Variants in NRCAM observed in about 807,000 individuals in gnomAD.
NRCAM encodes neuronal cell adhesion molecule.
NRCAM carries 83 observed loss-of-function variants against 156.5 expected under a neutral mutation model. The ratio of observed to expected loss-of-function variants is 0.53; its 90% CI spans 0.44 to 0.64. NRCAM has a LOEUF of 0.64. NRCAM is among the 30% of genes least tolerant of loss of function. The pLI is 0.00. For synonymous variants in NRCAM, 538 were observed against 563.9 expected (o/e 0.95, Z 0.65); for missense variants, 1,417 against 1,597.3 (o/e 0.89, Z 1.92).
chr7:108,366,524 G>A (rs988232900), intron 2 of NRCAM, among the ~76,000 whole-genome samples: 5 of 152,188 alleles, frequency 3.3e-5, no homozygotes, highest in Admixed American at 1.3e-4. Flanking sequence ...GAATTTAAAT[G>A]TTAGTTCTGC....
Position 108,380,813 on chromosome 7 carries a change from T to TTC in NRCAM, c.-174+18621_-174+18622dup, listed in dbSNP as rs529991746. On this transcript the variant is annotated intron_variant, in intron 2 of 32. Coordinates refer to ENST00000379028, the MANE Select transcript of NRCAM (RefSeq NM_001037132.4). Reference sequence around the variant, plus strand: ...AAAGTTCCAGGCTAGCAAATAGTAGTTCTAAGACCAGAATCTAGGCCACCT... The same window carrying TTC: ...AAAGTTCCAGGCTAGCAAATAGTAGTTCTCTAAGACCAGAATCTAGGCCACCT... Among the ~76,000 whole-genome samples, 278 of 152,254 alleles carry TTC rather than the reference T, an allele frequency of 1.8e-3. 3 individuals carry two copies. The highest frequency in any genetic ancestry group is 7.5e-3 in the East Asian group (39 of 5,178).
At chr7:108,431,106 T>C (rs1247804011) in intron 1 of NRCAM, among the ~76,000 whole-genome samples, 2 of 152,224 alleles carry the variant, frequency 1.3e-5, no homozygotes, top group African/African-American at 4.8e-5. Flanking sequence ...TCTGACTTAT[T>C]ACCTCATTTT....
At chr7:108,225,825 C>T (rs2093350282) in intron 9 of NRCAM, 124 bp from the exon 10 acceptor site, 1 of 740,878 alleles carries the variant, frequency 1.3e-6, no homozygotes, top group Admixed American at 1.8e-5. Context: ...CAAGTAAAAA[C>T]AGTGCTTTAC....
chr7:108,171,758 G>T (rs2058515990), intron 28 of NRCAM, among the ~76,000 whole-genome samples: 1 of 152,132 alleles, frequency 6.6e-6, no homozygotes, highest in Admixed American at 6.5e-5. Flanking sequence ...GCCAGGGTTT[G>T]TCTTACTGTC....
chr7:108,398,559 T>C (rs936723522), intron 2 of NRCAM, among the ~76,000 whole-genome samples: 5 of 152,168 alleles, frequency 3.3e-5, no homozygotes, highest in Non-Finnish European at 5.9e-5. Flanking sequence ...AACTTCTTAC[T>C]TTCTCACATG....
intron 3 of NRCAM, among the ~76,000 whole-genome samples, chr7:108,285,971 A>T (rs1563110109): frequency 6.6e-6 from 1 of 152,240 alleles, no homozygotes; most frequent in Non-Finnish European, 1.5e-5. Context: ...AGTAGTCAGC[A>T]AACAGTTTCT....
At chr7:108,384,968 AAAG>A (rs2099735346) in intron 2 of NRCAM, among the ~76,000 whole-genome samples, 1 of 152,220 alleles carries the variant, frequency 6.6e-6, no homozygotes, top group South Asian at 2.1e-4. Flanking sequence ...TGTGAAGAAC[AAAG>A]AATAGCAGTA....
chr7:108,217,042 CTTTGT>C (rs1775711333), intron 11 of NRCAM, among the ~76,000 whole-genome samples: 1 of 152,054 alleles, frequency 6.6e-6, no homozygotes, highest in Non-Finnish European at 1.5e-5. Context: ...TTTTCCTCAT[CTTTGT>C]GGATTTATCT....
chr7:108,430,325 C>A (rs116597830), intron 1 of NRCAM, among the ~76,000 whole-genome samples: 1,591 of 152,206 alleles, frequency 0.01, 17 homozygotes, highest in African/African-American at 0.037. Context: ...GAGGCTCTCA[C>A]AATATCCAGG....
rs147330397 is a variant in NRCAM at position 108,209,491 on chromosome 7, A to G, written c.1005T>C (p.Ser335=). Residue 335 remains serine, a synonymous_variant, in exon 12 of 33, where the codon TCT becomes TCC. Transcript: ENST00000379028. ...TTTTTGCTATACATTGGTAATTTCC[A>G]GAGTCTGCTTCTGAAACATGAATGA... ...LQIIHVSEAD[S]GNYQCIAKNA... The G allele has an allele frequency of 1.1e-4, 175 of 1,612,072 alleles. 1 individual carries two copies. The Middle Eastern group carries it at 1.8e-3, about 17-fold the overall frequency.
intron 3 of NRCAM, among the ~76,000 whole-genome samples, chr7:108,247,193 CTG>C: frequency 6.6e-6 from 1 of 152,298 alleles, no homozygotes; most frequent in East Asian, 1.9e-4. Context: ...AAATAATAAA[CTG>C]TTGTTGTTTG....
At chr7:108,312,569 TA>T (rs1563217807) in intron 3 of NRCAM, 95 bp downstream of exon 3, 2 of 152,236 alleles carry the variant, frequency 1.3e-5, no homozygotes, top group Admixed American at 6.5e-5. Flanking sequence ...TGAAAAGTAT[TA>T]AATATGGCAA....
chr7:108,241,161 ATAGG>A (rs1486381187), intron 3 of NRCAM, among the ~76,000 whole-genome samples: 2 of 152,180 alleles, frequency 1.3e-5, no homozygotes, highest in Non-Finnish European at 2.9e-5. Context: ...CATCACATAC[ATAGG>A]TAGATATATA....
At chr7:108,419,542 G>A (rs1261262110) in intron 1 of NRCAM, among the ~76,000 whole-genome samples, 1 of 18,976 alleles carries the variant, frequency 5.3e-5, no homozygotes, top group Non-Finnish European at 9.8e-5. Context: ...TCATGAGTTT[G>A]GCAGTATATA....
At position 108,392,324 on chromosome 7, in the gene NRCAM, A is replaced by G. The variant is rs985726272; in HGVS notation, c.-174+7112T>C. 1.3e-5 allele frequency among the ~76,000 whole-genome samples: 2 copies of G among 152,092 alleles called. 1 individual carries two copies. Among genetic ancestry groups the G allele is most frequent in the Middle Eastern group, 6.8e-3 (2 of 294 alleles). ...CTTCTCACTTCATTTCATTCATTTG[A>G]TCTTCAATCACTGATACCCTTTCTT... is the stretch of plus-strand genomic sequence containing the variant. On this transcript the variant is annotated intron_variant, in intron 2 of 32. Transcript: ENST00000379028.
At chr7:108,341,721 T>G (rs957050685) in intron 2 of NRCAM, among the ~76,000 whole-genome samples, 4 of 152,110 alleles carry the variant, frequency 2.6e-5, no homozygotes, top group African/African-American at 9.7e-5. Context: ...CAGTACCCCC[T>G]TAGACCCGAG....
intron 1 of NRCAM, among the ~76,000 whole-genome samples, chr7:108,455,201 C>T (rs1272353822): frequency 6.6e-6 from 1 of 152,180 alleles, no homozygotes; most frequent in Non-Finnish European, 1.5e-5. Context: ...TACTGCGACA[C>T]CCCGTCCCCC....
At chr7:108,174,099 T>C (rs912158335) in intron 28 of NRCAM, among the ~76,000 whole-genome samples, 1 of 152,214 alleles carries the variant, frequency 6.6e-6, no homozygotes, top group East Asian at 1.9e-4. Context: ...ATGATTTTAA[T>C]TGATATCTAA....
chr7:108,408,222 G>A (rs1277999950), intron 1 of NRCAM, among the ~76,000 whole-genome samples: 1 of 152,088 alleles, frequency 6.6e-6, no homozygotes, highest in Non-Finnish European at 1.5e-5. Flanking sequence ...ACTATGCTAG[G>A]TAGCACATAG....
Sources: gnomAD v4.1 joint callset for allele counts (sites outside exome capture counted in the v4.1 genomes callset) on GRCh38, gnomAD v4.1.1 for gene constraint, MANE v1.5 for transcripts, NCBI Gene and HGNC (gene_info 2026-07-23, HGNC 2026-07-21) for gene names.